Variants in ABCA13 observed in about 807,000 individuals in gnomAD.
ABCA13 encodes the protein ATP-binding cassette sub-family A member 13.
ABCA13 carries 476 observed loss-of-function variants against 478.7 expected under a neutral mutation model. The ratio of observed to expected loss-of-function variants is 0.99; its 90% CI spans 0.92 to 1.07. The LOEUF (loss-of-function observed/expected upper bound fraction) is 1.07. Ranked by LOEUF, ABCA13 falls within the 50% of genes least tolerant of loss-of-function variation. ABCA13 has a pLI of 0.00. For synonymous variants in ABCA13, 2,252 were observed against 2,158.9 expected, an observed-to-expected ratio of 1.04 and a Z score of -1.20; for missense variants, 6,060 against 5,910.6, an observed-to-expected ratio of 1.03 and a Z score of -0.83.
At chr7:48,546,756 A>G (rs749791261) in intron 55 of ABCA13, among the ~76,000 whole-genome samples, 38 of 151,732 alleles carry the variant, frequency 2.5e-4, no homozygotes, top group Non-Finnish European at 4.6e-4. Context: ...TATTATGTAT[A>G]TAATACTTAA....
intron 29 of ABCA13, among the ~76,000 whole-genome samples, chr7:48,348,578 G>A (rs554861735): frequency 6.6e-6 from 1 of 152,158 alleles, no homozygotes. Flanking sequence ...GGCCCTTCAG[G>A]CTCTACCAAA....
intron 41 of ABCA13, among the ~76,000 whole-genome samples, chr7:48,419,860 C>G (rs951245614): frequency 1.3e-5 from 2 of 152,092 alleles, no homozygotes; most frequent in Admixed American, 6.5e-5. Context: ...GGCAAAGAAT[C>G]TGGAATATAT....
At chr7:48,459,742 A>C (rs566189843) in intron 43 of ABCA13, among the ~76,000 whole-genome samples, 2 of 152,350 alleles carry the variant, frequency 1.3e-5, no homozygotes, top group East Asian at 3.9e-4. Flanking sequence ...AATCCTTGTT[A>C]AATTGAAATA....
intron 41 of ABCA13, among the ~76,000 whole-genome samples, chr7:48,419,993 T>C (rs1420737160): frequency 6.6e-6 from 1 of 152,204 alleles, no homozygotes; most frequent in Non-Finnish European, 1.5e-5. Flanking sequence ...GTAGAGGCTA[T>C]AAAATGTCTG....
chr7:48,173,230 T>G (rs920380795), intron 1 of ABCA13, among the ~76,000 whole-genome samples: 2 of 152,248 alleles, frequency 1.3e-5, no homozygotes, highest in Non-Finnish European at 2.9e-5. Flanking sequence ...GACTTATTTT[T>G]CTTTAGTATT....
At chr7:48,265,619 G>GTAAATT (rs1300879257) in intron 15 of ABCA13, among the ~76,000 whole-genome samples, 1 of 151,140 alleles carries the variant, frequency 6.6e-6, no homozygotes, top group Non-Finnish European at 1.5e-5. Context: ...TTTAATTTTT[G>GTAAATT]TAAATTCATC....
At chr7:48,445,558 C>G (rs972815424) in intron 42 of ABCA13, among the ~76,000 whole-genome samples, 3 of 152,142 alleles carry the variant, frequency 2.0e-5, no homozygotes, top group Non-Finnish European at 4.4e-5. Flanking sequence ...CTCTTTCCCC[C>G]TTCTCTGAGC....
chr7:48,567,862 T>C (rs1787236192), intron 55 of ABCA13, among the ~76,000 whole-genome samples: 1 of 152,154 alleles, frequency 6.6e-6, no homozygotes, highest in African/African-American at 2.4e-5. Flanking sequence ...TAAAATCATA[T>C]TTGTAAAATG....
At chr7:48,424,778 T>C (rs1821187370) in intron 41 of ABCA13, among the ~76,000 whole-genome samples, 1 of 152,208 alleles carries the variant, frequency 6.6e-6, no homozygotes, top group Non-Finnish European at 1.5e-5. Context: ...GTGTGAGAAT[T>C]ATAATGCAAA....
At chr7:48,285,730 A>C (rs1797640853) in intron 19 of ABCA13, among the ~76,000 whole-genome samples, 1 of 152,250 alleles carries the variant, frequency 6.6e-6, no homozygotes, top group African/African-American at 2.4e-5. Flanking sequence ...TGAACAACAT[A>C]ACTTATAAAC....
chr7:48,526,244 AG>A (rs1191291243), intron 54 of ABCA13, among the ~76,000 whole-genome samples: 3 of 152,102 alleles, frequency 2.0e-5, no homozygotes, highest in Non-Finnish European at 2.9e-5. Context: ...GGGCAGGAAA[AG>A]GTCAGAGTAA....
rs555354565 is a variant in ABCA13, at chr7:48,416,697, A to G, written c.12459+4114A>G. On this transcript the variant is annotated intron_variant, in intron 41 of 61. Coordinates refer to ENST00000435803, the MANE Select transcript of ABCA13 (RefSeq NM_152701.5). ...CTCCTGCAGGCGCTCCCAGAGGACA[A>G]GGCTGGAGCTGCAACCTGGGTGTGT... Among the ~76,000 whole-genome samples, 10 of 152,216 alleles carry G rather than the reference A, an allele frequency of 6.6e-5. No homozygotes were observed. The South Asian group carries it at 1.5e-3, about 22-fold the overall frequency.
chr7:48,258,558 T>C (rs932617245), intron 15 of ABCA13, among the ~76,000 whole-genome samples: 4 of 152,156 alleles, frequency 2.6e-5, no homozygotes, highest in Admixed American at 1.3e-4. Context: ...TGATCTTTTG[T>C]ATGTTTTTTT....
chr7:48,224,327 A>T (rs1446202541), intron 5 of ABCA13, among the ~76,000 whole-genome samples: 2 of 152,190 alleles, frequency 1.3e-5, no homozygotes, highest in African/African-American at 2.4e-5. Flanking sequence ...TGGGACTGAG[A>T]GTCCCTTGTT....
intron 35 of ABCA13, among the ~76,000 whole-genome samples, chr7:48,378,034 G>A (rs1343085702): frequency 6.6e-6 from 1 of 152,128 alleles, no homozygotes; most frequent in African/African-American, 2.4e-5. Flanking sequence ...TCTACATTAT[G>A]GTAAAGCAAA....
intron 55 of ABCA13, among the ~76,000 whole-genome samples, chr7:48,568,564 T>A (rs1196896057): frequency 6.6e-6 from 1 of 152,046 alleles, no homozygotes; most frequent in African/African-American, 2.4e-5. Flanking sequence ...TAAGAAATAA[T>A]GTTATATAGT....
At position 48,269,018 on chromosome 7, in the gene ABCA13, G is replaced by T. The variant is rs760835091; in HGVS notation, c.2044G>T (p.Asp682Tyr). ...ATCTCCTTGTTTTGAAGAAAACATG[G>T]ATTGGAAAATGATCAGTGATAATTA... is the stretch of plus-strand genomic sequence containing the variant. ...EESPCFEENM[D>Y]WKMISDNYFQ... The change falls in exon 16 of 62, where the codon GAT becomes TAT. Residue 682 changes from aspartate (D) to tyrosine (Y), a missense_variant. Physicochemically the swap from Asp to Tyr is radical, Grantham distance 160. This residue lies in a region of ABCA13 where 4,423 missense variants were observed against 4,309.1 expected (regional missense o/e 1.03). Transcript: ENST00000435803. The T allele has an allele frequency of 6.3e-7, 1 of 1,599,890 alleles. No individual in the cohort carries two copies. Among genetic ancestry groups the T allele is most frequent in the South Asian group, 1.1e-5 (1 of 89,322 alleles).
At chr7:48,518,089 G>A (rs1038528873) in intron 52 of ABCA13, among the ~76,000 whole-genome samples, 1 of 152,052 alleles carries the variant, frequency 6.6e-6, no homozygotes, top group African/African-American at 2.4e-5. Context: ...AATCTATTTT[G>A]GTGATTTTTA....
chr7:48,185,404 C>T (rs974748365), intron 1 of ABCA13, among the ~76,000 whole-genome samples: 1 of 152,300 alleles, frequency 6.6e-6, no homozygotes, highest in African/African-American at 2.4e-5. Context: ...CTCCCAAATA[C>T]ATTCTAGAAT....
Sources: allele counts gnomAD v4.1 joint callset (sites outside exome capture counted in the v4.1 genomes callset), GRCh38; gene constraint gnomAD v4.1.1; regional missense constraint gnomAD v4.1.1; transcripts MANE v1.5; gene names NCBI Gene and HGNC (gene_info 2026-07-23, HGNC 2026-07-21).